Variants in ALAS1 observed in about 807,000 individuals in gnomAD.
The protein encoded by ALAS1 is 5-aminolevulinate synthase, non-specific, mitochondrial.
ALAS1 carries 29 observed loss-of-function variants against 59.6 expected under a neutral mutation model. That is an observed-to-expected ratio of 0.49 (90% CI 0.36 to 0.66). The LOEUF (loss-of-function observed/expected upper bound fraction) is 0.66. Among genes scored for constraint, ALAS1 ranks in the 30% least tolerant of loss-of-function variants. The pLI is 0.00. For synonymous variants in ALAS1, 299 were observed against 296.6 expected (o/e 1.01, Z -0.08); for missense variants, 690 against 807.5 (o/e 0.85, Z 1.76).
chr3:52,203,410 G>A (rs778140762), intron 4 of ALAS1, among the ~76,000 whole-genome samples: 2 of 152,092 alleles, frequency 1.3e-5, no homozygotes, highest in African/African-American at 4.8e-5. Context: ...GCATGATGGC[G>A]CATGCCTATA....
intron 11 of ALAS1, chr3:52,212,638 T>C (rs1241773147): frequency 7.6e-6 from 4 of 525,366 alleles, no homozygotes; most frequent in Non-Finnish European, 1.4e-5. Context: ...TTCAAGCGAT[T>C]CTCCTGCCTC....
At chr3:52,208,308 A>G in intron 9 of ALAS1, 61 bp downstream of exon 9, 1 of 1,577,462 alleles carries the variant, frequency 6.3e-7, no homozygotes. Flanking sequence ...CCAAGGACTA[A>G]CTAGTCTAAC....
intron 1 of ALAS1, 79 bp downstream of exon 1, chr3:52,198,334 G>A: frequency 2.5e-6 from 1 of 405,572 alleles, no homozygotes; most frequent in African/African-American, 2.1e-5. Context: ...CGCTGCCCCG[G>A]GTGCTGGGAC....
intron 3 of ALAS1, among the ~76,000 whole-genome samples, chr3:52,200,908 T>G (rs1699174656): frequency 6.6e-6 from 1 of 152,350 alleles, no homozygotes; most frequent in Middle Eastern, 3.4e-3. Context: ...AGAAAGGATT[T>G]AATCCTTTGT....
chr3:52,198,775 G>T lies in ALAS1; in HGVS notation c.-106G>T. On this transcript the variant is annotated 5_prime_UTR_variant, in exon 2 of 12. It introduces an in-frame stop codon into an upstream open reading frame of the 5' UTR. Transcript: ENST00000484952. ...CCTTCCTCGGGTTTAGGGGATGTGG[G>T]GACCAGGAGAAAGTCAGGATCCCTA... 6.5e-7 allele frequency: 1 copy of T among 1,534,700 alleles called. No homozygotes were observed. The highest frequency in any genetic ancestry group is 1.2e-5 in the South Asian group (1 of 84,038).
At chr3:52,205,385 A>G (rs148351631) in intron 6 of ALAS1, among the ~76,000 whole-genome samples, 111 of 152,298 alleles carry the variant, frequency 7.3e-4, no homozygotes, top group African/African-American at 2.5e-3. Flanking sequence ...CAGATTCTCC[A>G]AAGGCTTGCT....
intron 10 of ALAS1, among the ~76,000 whole-genome samples, 166 bp downstream of exon 10, chr3:52,211,717 A>G (rs73835711): frequency 0.013 from 2,051 of 152,288 alleles, 46 homozygotes; most frequent in African/African-American, 0.046. Context: ...GGCTGACTTC[A>G]CCAAGAGAAG....
rs1559878237 is a variant in ALAS1, at chr3:52,214,105, G to GC, written c.1849dup (p.His617ProfsTer3). 2 of 1,613,792 alleles carry GC rather than the reference G, an allele frequency of 1.2e-6. No homozygotes were observed. Among genetic ancestry groups the GC allele is most frequent in the African/African-American group, 1.3e-5 (1 of 74,928 alleles). On this transcript the variant is annotated frameshift_variant, in exon 12 of 12. Coordinates refer to ENST00000484952, the MANE Select transcript of ALAS1 (RefSeq NM_000688.6). LOFTEE classifies it high-confidence loss of function. The stretch of plus-strand genomic sequence containing the variant: ...AGTGCAACTTCTGCAGGAGGCCACT[G>GC]CATTTTGAAGTGATGAGTGAAAGAG...
rs532255744 is a variant in ALAS1 at position 52,206,899 on chromosome 3, A to G, written c.1165+148A>G. On this transcript the variant is annotated intron_variant, in intron 8 of 11. Coordinates refer to ENST00000484952, the MANE Select transcript of ALAS1 (RefSeq NM_000688.6). ...GCCCAGGCAGGAGTGCAGTGGTGCG[A>G]TCTCGACTCACTGCAAGCTCCGCCT... 9.1e-4 allele frequency: 747 copies of G among 824,130 alleles called. 8 individuals carry two copies. The South Asian group carries it at 9.8e-3, about 11-fold the overall frequency. 51.1% of individuals were successfully genotyped at this position (824,130 alleles called of 1,614,324 possible).
chr3:52,204,965 A>G (rs759060175), intron 6 of ALAS1, 50 bp downstream of exon 6: 58 of 1,493,922 alleles, frequency 3.9e-5, no homozygotes, highest in East Asian at 6.8e-5. Flanking sequence ...TGGCAAGCCA[A>G]TGATGATGTA....
At chr3:52,206,547 A>C in intron 7 of ALAS1, 25 bp from the exon 8 acceptor site, 4 of 1,606,536 alleles carry the variant, frequency 2.5e-6, no homozygotes, top group Non-Finnish European at 3.4e-6. Context: ...GCACATGGCA[A>C]TAAATAGCAT....
At chr3:52,207,651 C>G (rs565431223) in intron 8 of ALAS1, among the ~76,000 whole-genome samples, 1 of 152,244 alleles carries the variant, frequency 6.6e-6, no homozygotes, top group East Asian at 1.9e-4. Context: ...ACCCTCAAGT[C>G]GGTCCCTGGT....
chr3:52,198,963 A>ATTTAC (rs3216487), intron 2 of ALAS1, 115 bp downstream of exon 2: 638,360 of 1,244,764 alleles, frequency 0.51, 167,487 homozygotes, highest in Non-Finnish European at 0.53. Context: ...TACTGTCAGT[A>ATTTAC]TTCATTTGGT....
chr3:52,208,299 C>G, intron 9 of ALAS1, 52 bp downstream of exon 9: 1 of 1,591,410 alleles, frequency 6.3e-7, no homozygotes, highest in Non-Finnish European at 8.6e-7. Context: ...CTAACAAGGC[C>G]AAGGACTAAC....
intron 3 of ALAS1, among the ~76,000 whole-genome samples, chr3:52,200,549 C>G (rs879733313): frequency 2.0e-5 from 3 of 152,134 alleles, no homozygotes; most frequent in Admixed American, 6.5e-5. Context: ...ACCAGCCTGG[C>G]CACATGGTGA....
At position 52,204,168 on chromosome 3, in the gene ALAS1, G is replaced by A. The variant is rs184857403; in HGVS notation, c.577+156G>A. On this transcript the variant is annotated intron_variant, in intron 5 of 11. Transcript: ENST00000484952. Reference sequence around the variant, plus strand: ...CTGAAGCGGGAGAAGATCACTTGAGGCCAGGAGTTTGAGGCCAGCCTTGGC... The same window carrying A: ...CTGAAGCGGGAGAAGATCACTTGAGACCAGGAGTTTGAGGCCAGCCTTGGC... Among the ~76,000 whole-genome samples, 15 of 152,278 alleles carry A rather than the reference G, an allele frequency of 9.9e-5. No individual in the cohort carries two copies. The East Asian group carries it at 2.7e-3, about 27-fold the overall frequency.
chr3:52,211,229 C>T, intron 9 of ALAS1, 54 bp from the exon 10 acceptor site: 2 of 1,589,612 alleles, frequency 1.3e-6, no homozygotes, highest in South Asian at 2.2e-5. Context: ...TTGCTGTGTC[C>T]ATTTAGAGCA....
intron 8 of ALAS1, 116 bp downstream of exon 8, chr3:52,206,867 C>G: frequency 8.7e-7 from 1 of 1,143,250 alleles, no homozygotes; most frequent in Non-Finnish European, 1.2e-6. Context: ...CCGATCCTCG[C>G]TCTGTTGCCC....
chr3:52,209,083 C>G (rs1699351782), intron 9 of ALAS1, among the ~76,000 whole-genome samples: 1 of 152,222 alleles, frequency 6.6e-6, no homozygotes, highest in South Asian at 2.1e-4. Context: ...AAAAAGCGTC[C>G]TTCAGCACTG....
Sources: gnomAD v4.1 joint callset for allele counts (sites outside exome capture counted in the v4.1 genomes callset) on GRCh38, gnomAD v4.1.1 for gene constraint, MANE v1.5 for transcripts, NCBI Gene and HGNC (gene_info 2026-07-23, HGNC 2026-07-21) for gene names.